Variants in WRN observed in about 807,000 individuals in gnomAD.
The protein encoded by WRN is bifunctional 3'-5' exonuclease/ATP-dependent helicase WRN.
WRN carries 149 observed loss-of-function variants against 180.7 expected under a neutral mutation model. That is an observed-to-expected ratio of 0.82 (90% CI 0.72 to 0.94). The LOEUF (loss-of-function observed/expected upper bound fraction) is 0.94. Ranked by LOEUF, WRN falls within the 40% of genes least tolerant of loss-of-function variation. The pLI, the probability that WRN is intolerant of heterozygous loss-of-function variation, is 0.00. For synonymous variants in WRN, 548 were observed against 568.9 expected (o/e 0.96, Z 0.52); for missense variants, 1,661 against 1,700.1 (o/e 0.98, Z 0.40).
chr8:31,113,526 T>C (rs1801399716), intron 19 of WRN, among the ~76,000 whole-genome samples: 2 of 152,202 alleles, frequency 1.3e-5, no homozygotes, highest in African/African-American at 2.4e-5. Flanking sequence ...TGAAGAAGGC[T>C]GTTTGTCCTA....
chr8:31,084,423 A>G (rs1813445220), intron 10 of WRN, among the ~76,000 whole-genome samples: 1 of 152,174 alleles, frequency 6.6e-6, no homozygotes, highest in Non-Finnish European at 1.5e-5. Context: ...TTTTTAAAAA[A>G]AGAACTTTTT....
At chr8:31,087,952 C>T (rs1813602375) in intron 12 of WRN, 32 bp downstream of exon 12, 1 of 1,603,286 alleles carries the variant, frequency 6.2e-7, no homozygotes, top group Non-Finnish European at 8.5e-7. Flanking sequence ...AAATGACTCA[C>T]CTGTGATACC....
At position 31,175,235 on chromosome 8, in the gene WRN, G is replaced by C. The variant is rs1804243018; in HGVS notation, c.*2133G>C. 6.6e-6 allele frequency among the ~76,000 whole-genome samples: 1 copy of C among 152,068 alleles called. No homozygotes were observed. Among genetic ancestry groups the C allele is most frequent in the Admixed American group, 6.6e-5 (1 of 15,266 alleles). On this transcript the variant is annotated 3_prime_UTR_variant, in exon 35 of 35. Transcript: ENST00000298139. Reference sequence around the variant, plus strand: ...GCGGATCACGAGATCAGGAGATCGAGACCACCCTGGCCAACATGGTGAAAC... The same window carrying C: ...GCGGATCACGAGATCAGGAGATCGACACCACCCTGGCCAACATGGTGAAAC...
In WRN at chr8:31,116,295, C is replaced by G. The variant is rs11574304; in HGVS notation, c.2274-59C>G. ...AAGAATTAAATAAGATAAAACCAAA[C>G]GGGTCTGAAGCATGTATAAAGTATA... On this transcript the variant is annotated intron_variant, in intron 19 of 34. Coordinates refer to ENST00000298139, the MANE Select transcript of WRN (RefSeq NM_000553.6). The G allele has an allele frequency of 2.6e-6, 4 of 1,562,974 alleles. No homozygotes were observed. The Admixed American group carries it at 5.3e-5, about 21-fold the overall frequency.
chr8:31,044,558 T>C (rs1300469792), intron 1 of WRN, among the ~76,000 whole-genome samples: 3 of 152,020 alleles, frequency 2.0e-5, no homozygotes, highest in African/African-American at 7.2e-5. Flanking sequence ...GGTTTTACCA[T>C]GGTGGTCAGG....
rs780068269 is a variant in WRN at position 31,064,913 on chromosome 8, A to C, written c.356-2A>C. ...TATGGAAATAACAAGAAAATGTTAC[A>C]GTTTTTCCCCAGGGATTAAAAATGT... On this transcript the variant is annotated splice_acceptor_variant, in intron 4 of 34. Transcript: ENST00000298139. LOFTEE classifies it high-confidence loss of function. The C allele has an allele frequency of 1.2e-6, 2 of 1,613,326 alleles. No individual in the cohort carries two copies. The highest frequency in any genetic ancestry group is 1.7e-6 in the Non-Finnish European group (2 of 1,179,642).
At chr8:31,146,547 C>G (rs1212722941) in intron 28 of WRN, among the ~76,000 whole-genome samples, 1 of 152,042 alleles carries the variant, frequency 6.6e-6, no homozygotes, top group Non-Finnish European at 1.5e-5. Flanking sequence ...TACCTAGTGA[C>G]ATTTTAATTT....
At chr8:31,049,685 T>C (rs1044361763) in intron 1 of WRN, among the ~76,000 whole-genome samples, 1 of 152,134 alleles carries the variant, frequency 6.6e-6, no homozygotes, top group Non-Finnish European at 1.5e-5. Flanking sequence ...TAGCTGTCAG[T>C]GAATTTATAT....
chr8:31,095,009 A>C (rs1813904671), intron 16 of WRN, among the ~76,000 whole-genome samples: 1 of 152,142 alleles, frequency 6.6e-6, no homozygotes, highest in African/African-American at 2.4e-5. Context: ...CTATATGCTA[A>C]TTTTTTAAGA....
rs576208057 is a variant in WRN at position 31,147,372 on chromosome 8, A to T, written c.3468A>T (p.Leu1156Phe). ...CTTTGTTTTTTGTTCAGATTGTGTT[A>T]TATGGCAAATTGGTAGAAGCTAGGC... ...SAQEQETQIV[L>F]YGKLVEARQK... Residue 1156 changes from leucine (L) to phenylalanine (F), a missense_variant, in exon 30 of 35, where the codon TTA becomes TTT. Leu to Phe is a conservative substitution (Grantham distance 22). Transcript: ENST00000298139. 1.9e-6 allele frequency: 3 copies of T among 1,614,010 alleles called. No individual in the cohort carries two copies. The South Asian group carries it at 3.3e-5, about 18-fold the overall frequency.
At chr8:31,097,710 T>C (rs1285963183) in intron 17 of WRN, among the ~76,000 whole-genome samples, 1 of 151,942 alleles carries the variant, frequency 6.6e-6, no homozygotes, top group Non-Finnish European at 1.5e-5. Flanking sequence ...GCCTGGGAGA[T>C]GAAGGCTGCG....
At chr8:31,099,864 G>A (rs554689700) in intron 17 of WRN, among the ~76,000 whole-genome samples, 11 of 152,092 alleles carry the variant, frequency 7.2e-5, no homozygotes, top group African/African-American at 2.4e-4. Context: ...AAAATGTTAG[G>A]TACCATTATT....
intron 8 of WRN, among the ~76,000 whole-genome samples, chr8:31,080,570 TAATTA>T (rs1180724834): frequency 6.6e-6 from 1 of 152,068 alleles, no homozygotes; most frequent in African/African-American, 2.4e-5. Flanking sequence ...TCTTTACATT[TAATTA>T]AATTAATCAA....
At chr8:31,104,761 C>T (rs1801027820) in intron 18 of WRN, among the ~76,000 whole-genome samples, 1 of 152,120 alleles carries the variant, frequency 6.6e-6, no homozygotes, top group Admixed American at 6.6e-5. Flanking sequence ...GCTGTCCTTC[C>T]CCTGTTAAAT....
chr8:31,147,025 A>G, intron 28 of WRN, 28 bp from the exon 29 acceptor site: 3 of 1,560,218 alleles, frequency 1.9e-6, no homozygotes, highest in Non-Finnish European at 2.6e-6. Context: ...AAAAGCTTTT[A>G]TTATTTATTT....
At position 31,065,083 on chromosome 8, in the gene WRN, A is replaced by G. The variant is rs1336458944; in HGVS notation, c.504+20A>G. On this transcript the variant is annotated intron_variant, in intron 5 of 34. Transcript: ENST00000298139. ...AAAAAGGTAAAAGCAATATATATAT[A>G]ATTTTCATGATGAAGATTATTTTGT... 2 of 1,603,282 alleles carry G rather than the reference A, an allele frequency of 1.2e-6. No homozygotes were observed. The highest frequency in any genetic ancestry group is 2.7e-5 in the African/African-American group (2 of 74,634).
Position 31,043,007 on chromosome 8 carries a change from A to C in WRN, c.-77+9034A>C, listed in dbSNP as rs540153372. Among the ~76,000 whole-genome samples, 12 of 152,294 alleles carry C rather than the reference A, an allele frequency of 7.9e-5. No homozygotes were observed. In the East Asian group the frequency reaches 2.1e-3, roughly 27 times the overall value. The stretch of plus-strand genomic sequence containing the variant: ...ACAAGAGTGTCTTCAGTTGCAAGTA[A>C]TGGAAAAACCATTCAAACTGACTTC... On this transcript the variant is annotated intron_variant, in intron 1 of 34. Coordinates refer to ENST00000298139, the MANE Select transcript of WRN (RefSeq NM_000553.6).
At chr8:31,046,806 G>A (rs1811882419) in intron 1 of WRN, among the ~76,000 whole-genome samples, 1 of 152,142 alleles carries the variant, frequency 6.6e-6, no homozygotes, top group African/African-American at 2.4e-5. Flanking sequence ...ACTTGCTTTT[G>A]CTGTTCATTC....
chr8:31,154,566 A>G (rs1261421725), intron 31 of WRN, 58 bp from the exon 32 acceptor site: 4 of 1,533,132 alleles, frequency 2.6e-6, no homozygotes, highest in African/African-American at 1.4e-5. Flanking sequence ...TATCATACAT[A>G]TATTCTATTA....
Sources: gnomAD v4.1 joint callset for allele counts (sites outside exome capture counted in the v4.1 genomes callset) on GRCh38, gnomAD v4.1.1 for gene constraint, MANE v1.5 for transcripts, NCBI Gene and HGNC (gene_info 2026-07-23, HGNC 2026-07-21) for gene names.